The following TBC1D31 variants were observed in gnomAD, a reference collection of about 807,000 sequenced individuals.
TBC1D31 encodes the protein TBC1 domain family member 31.
TBC1D31 carries 99 observed loss-of-function variants against 132.9 expected under a neutral mutation model. The observed-to-expected ratio is 0.74, with a 90% confidence interval of 0.63 to 0.88. TBC1D31 has a LOEUF of 0.88. Ranked by LOEUF, TBC1D31 falls within the 40% of genes least tolerant of loss-of-function variation. The probability of loss-of-function intolerance (pLI) is 0.00; values close to 1 mark genes in which losing one functional copy is unlikely to be tolerated. For missense variants in TBC1D31, 1,134 were observed against 1,256.6 expected, an observed-to-expected ratio of 0.90 and a Z score of 1.48; for synonymous variants, 385 against 419.4, an observed-to-expected ratio of 0.92 and a Z score of 1.00.
At chr8:123,159,811 G>C in the TBC1D31 span, among the ~76,000 whole-genome samples, 1 of 150,986 alleles carries the variant, frequency 6.6e-6, no homozygotes, top group South Asian at 2.1e-4. Context: ...AAAAAGCTAA[G>C]ATCAATGATT....
intron 17 of TBC1D31, among the ~76,000 whole-genome samples, chr8:123,139,659 G>A (rs1821437756): frequency 6.6e-6 from 1 of 152,022 alleles, no homozygotes; most frequent in African/African-American, 2.4e-5. Context: ...GTCTTTCTGT[G>A]GTCTGAGAAC....
chr8:123,150,823 C>T (rs548126531), intron 21 of TBC1D31, among the ~76,000 whole-genome samples: 1 of 152,344 alleles, frequency 6.6e-6, no homozygotes, highest in South Asian at 2.1e-4. Context: ...GGAGAAAAGA[C>T]ACTCTGTTAA....
At position 123,150,098 on chromosome 8, in the gene TBC1D31, G is replaced by A; in HGVS notation, c.3037G>A (p.Asp1013Asn). 6.2e-7 allele frequency: 1 copy of A among 1,613,924 alleles called. No homozygotes were observed. Among genetic ancestry groups the A allele is most frequent in the East Asian group, 2.2e-5 (1 of 44,860 alleles). ...TTTGCCTAGAACCTCACAATTAAAT[G>A]ACTCTTCTGAAATGGATCCCTCAAC... Reference protein sequence around the residue: ...SCLPRTSQLNDSSEMDPSTQI... With the variant: ...SCLPRTSQLNNSSEMDPSTQI... The change falls in exon 21 of 22, where the codon GAC (aspartate) becomes AAC (asparagine). Residue 1013 changes from aspartate (D) to asparagine (N), a missense_variant. Physicochemically the swap from Asp to Asn is conservative, Grantham distance 23. Coordinates refer to ENST00000287380, the MANE Select transcript of TBC1D31 (RefSeq NM_145647.4).
rs1355373232 is a variant in TBC1D31 at position 123,109,582 on chromosome 8, C to T, written c.1398C>T (p.Tyr466=). ...HVAFLNLQKK[Y]PIKSRKLLRV... is the part of the protein sequence containing the mutation. ...CATTTCTCAACCTTCAGAAGAAATA[C>T]CCCATCAAAAGTAGGAAGCTACTCA... The change falls in exon 10 of 22, where the codon TAC becomes TAT. Residue 466 remains tyrosine, a synonymous_variant. Coordinates refer to ENST00000287380, the MANE Select transcript of TBC1D31 (RefSeq NM_145647.4). The T allele has an allele frequency of 1.9e-6, 3 of 1,613,750 alleles. No homozygotes were observed. The highest frequency in any genetic ancestry group is 2.5e-6 in the Non-Finnish European group (3 of 1,179,866).
chr8:123,102,349 G>A (rs12550310), intron 7 of TBC1D31: 41,881 of 417,474 alleles, frequency 0.1, 2,676 homozygotes, highest in Non-Finnish European at 0.12. Flanking sequence ...TTGGAGTGGC[G>A]TTTGCCACCT....
At chr8:123,140,413 A>C (rs115387300) in intron 17 of TBC1D31, among the ~76,000 whole-genome samples, 1,561 of 152,256 alleles carry the variant, frequency 0.01, 26 homozygotes, top group African/African-American at 0.036. Context: ...GAACAGGAAA[A>C]ATGCAAGATG....
At position 123,134,019 on chromosome 8, in the gene TBC1D31, T is replaced by G. The variant is rs374693165; in HGVS notation, c.2407-95T>G. Reference sequence around the variant, plus strand: ...ACCCAGTTGCTGTTATTTTAAATACTGTTAGTAGGTCGTTCAGATTACAGG... The same window carrying G: ...ACCCAGTTGCTGTTATTTTAAATACGGTTAGTAGGTCGTTCAGATTACAGG... On this transcript the variant is annotated intron_variant, in intron 16 of 21. Coordinates refer to ENST00000287380, the MANE Select transcript of TBC1D31 (RefSeq NM_145647.4). 5 of 860,902 alleles carry G rather than the reference T, an allele frequency of 5.8e-6. No individual in the cohort carries two copies. The African/African-American group carries it at 8.7e-5, about 15-fold the overall frequency. The allele number at this position is 860,902 out of a possible 1,614,324, so 53.3% of individuals were successfully genotyped here. A position where few individuals can be genotyped will look rare whatever the true frequency, so the allele number is the denominator to read the frequency against.
intron 5 of TBC1D31, among the ~76,000 whole-genome samples, chr8:123,094,601 A>G (rs1456204161): frequency 6.6e-6 from 1 of 151,744 alleles, no homozygotes; most frequent in African/African-American, 2.4e-5. Context: ...GTGCAATGGC[A>G]CTATCTCAGC....
At position 123,152,136 on chromosome 8, in the gene TBC1D31, G is replaced by A. The variant is rs144629885; in HGVS notation, c.*197G>A. 1.4e-3 allele frequency: 677 copies of A among 471,290 alleles called. 4 individuals are homozygous for A. The highest frequency in any genetic ancestry group is 0.012 in the African/African-American group (601 of 49,764). 29.2% of individuals were successfully genotyped at this position (471,290 alleles called of 1,614,324 possible). On this transcript the variant is annotated 3_prime_UTR_variant, in exon 22 of 22. Coordinates refer to ENST00000287380, the MANE Select transcript of TBC1D31 (RefSeq NM_145647.4). ...TTCTTGAACTTTTTACAATAAAAAT[G>A]TTTTAGAAACTGTTAAAGCTGTGTT...
chr8:123,086,760 T>C lies in TBC1D31; in HGVS notation c.519+2420T>C, dbSNP rs115416050. ...TTTGCAACGGAATCTGGCTCTGGCA[T>C]CCAGGCTGGAGTGCAGTGACACAAT... On this transcript the variant is annotated intron_variant, in intron 4 of 21. Transcript: ENST00000287380. Among the ~76,000 whole-genome samples, 555 of 151,004 alleles carry C rather than the reference T, an allele frequency of 3.7e-3. 2 individuals are homozygous for C. The highest frequency in any genetic ancestry group is 0.013 in the African/African-American group (537 of 41,170).
At position 123,130,262 on chromosome 8, in the gene TBC1D31, C is replaced by T. The variant is rs74653260; in HGVS notation, c.2335C>T (p.Arg779Cys). 333 of 1,612,534 alleles carry T rather than the reference C, an allele frequency of 2.1e-4. No individual in the cohort carries two copies. The highest frequency in any genetic ancestry group is 2.6e-4 in the Non-Finnish European group (308 of 1,179,184). ...EMHLQDAARR[R>C]FLKLQQDQQE... ...GCACTTACAAGATGCTGCAAGAAGG[C>T]GTTTTCTGAAGCTTCAGCAAGATCA... is the stretch of plus-strand genomic sequence containing the variant. Residue 779 changes from arginine to cysteine, a missense_variant, in exon 16 of 22, where the codon CGT (arginine) becomes TGT (cysteine). Coordinates refer to ENST00000287380, the MANE Select transcript of TBC1D31 (RefSeq NM_145647.4).
intron 13 of TBC1D31, among the ~76,000 whole-genome samples, chr8:123,127,274 T>TTTTC: frequency 7.7e-6 from 1 of 130,174 alleles, no homozygotes; most frequent in African/African-American, 3.0e-5. Flanking sequence ...TTTTTTTTTT[T>TTTTC]TTTTTTTTTT....
At chr8:123,100,782 G>T (rs1199975071) in intron 6 of TBC1D31, 25 bp from the exon 7 acceptor site, 2 of 1,578,490 alleles carry the variant, frequency 1.3e-6, no homozygotes, top group Non-Finnish European at 1.7e-6. Flanking sequence ...CATGTTTTTA[G>T]GAATTTATAT....
In TBC1D31 at chr8:123,097,207, A is replaced by G. The variant is rs1049845353; in HGVS notation, c.672-75A>G. ...ATAGACACAGTACATTTCTGTCATC[A>G]TAGAAAGTTCTGTCGGACAGTGCTG... On this transcript the variant is annotated intron_variant, in intron 5 of 21. Coordinates refer to ENST00000287380, the MANE Select transcript of TBC1D31 (RefSeq NM_145647.4). 31 of 1,507,176 alleles carry G rather than the reference A, an allele frequency of 2.1e-5. No homozygotes were observed. The African/African-American group carries it at 3.6e-4, about 17-fold the overall frequency. 93.4% of individuals were successfully genotyped at this position (1,507,176 alleles called of 1,614,324 possible). A position where few individuals can be genotyped will look rare whatever the true frequency, so the allele number is the denominator to read the frequency against.
intron 11 of TBC1D31, among the ~76,000 whole-genome samples, chr8:123,124,938 CAAAA>C (rs1310001681): frequency 1.2e-5 from 1 of 81,072 alleles, no homozygotes; most frequent in African/African-American, 4.2e-5. Context: ...CTCCGTCTCA[CAAAA>C]AAAAAAAAAA....
At chr8:123,147,166 T>TTC (rs1822297097) in intron 20 of TBC1D31, among the ~76,000 whole-genome samples, 1 of 150,566 alleles carries the variant, frequency 6.6e-6, no homozygotes, top group African/African-American at 2.4e-5. Flanking sequence ...TTACCCTTGT[T>TTC]TTTTTTTTTG....
At chr8:123,117,935 A>C (rs1326087760) in intron 10 of TBC1D31, among the ~76,000 whole-genome samples, 1 of 152,192 alleles carries the variant, frequency 6.6e-6, no homozygotes, top group African/African-American at 2.4e-5. Flanking sequence ...CTCAAAAATT[A>C]AATAAATAAA....
At chr8:123,102,260 C>T (rs1817503866) in intron 7 of TBC1D31, 1 of 456,452 alleles carries the variant, frequency 2.2e-6, no homozygotes, top group Non-Finnish European at 4.4e-6. Flanking sequence ...GAAGTTCGTG[C>T]TCAAAATTAA....
At chr8:123,089,709 A>G (rs1168346762) in intron 4 of TBC1D31, among the ~76,000 whole-genome samples, 1 of 152,248 alleles carries the variant, frequency 6.6e-6, no homozygotes, top group Non-Finnish European at 1.5e-5. Flanking sequence ...TCCTGTCTCA[A>G]AAAAACAAAA....
Sources: gnomAD v4.1 joint callset for allele counts (sites outside exome capture counted in the v4.1 genomes callset) on GRCh38, gnomAD v4.1.1 for gene constraint, MANE v1.5 for transcripts, NCBI Gene and HGNC (gene_info 2026-07-23, HGNC 2026-07-21) for gene names.